RPTOR: variants seen among roughly 807,000 people sequenced by gnomAD.
The protein encoded by RPTOR is regulatory-associated protein of mTOR.
Under a neutral mutation model 169.9 loss-of-function variants are expected in RPTOR, and 21 were observed. The observed-to-expected ratio is 0.12, with a 90% CI of 0.09 to 0.18. The LOEUF (loss-of-function observed/expected upper bound fraction) is 0.18, where lower values mean the gene tolerates loss of function less well. Ranked by LOEUF, RPTOR falls within the 10% of genes least tolerant of loss-of-function variation. RPTOR has a pLI of 1.00. For synonymous variants in RPTOR, 732 were observed against 753.2 expected, an observed-to-expected ratio of 0.97 and a Z score of 0.46; for missense variants, 1,133 against 1,855.9, an observed-to-expected ratio of 0.61 and a Z score of 7.16.
At chr17:80,814,608 C>T (rs2067305189) in intron 7 of RPTOR, among the ~76,000 whole-genome samples, 1 of 152,172 alleles carries the variant, frequency 6.6e-6, no homozygotes, top group Admixed American at 6.5e-5. Context: ...GACAATCATT[C>T]AGTGGGGATT....
chr17:80,806,203 C>T (rs1317156349), intron 7 of RPTOR, among the ~76,000 whole-genome samples: 3 of 152,172 alleles, frequency 2.0e-5, no homozygotes, highest in Non-Finnish European at 2.9e-5. Flanking sequence ...TCACTCCAAA[C>T]CATTTCGGTA....
chr17:80,706,633 A>C (rs1408350260), intron 3 of RPTOR, among the ~76,000 whole-genome samples: 3 of 152,176 alleles, frequency 2.0e-5, no homozygotes, highest in African/African-American at 4.8e-5. Flanking sequence ...TCGCTGTCTT[A>C]ATGAGAGGCC....
At chr17:80,833,207 G>A (rs886543553) in intron 9 of RPTOR, among the ~76,000 whole-genome samples, 2 of 152,204 alleles carry the variant, frequency 1.3e-5, no homozygotes, top group African/African-American at 4.8e-5. Context: ...CGCCATCTCA[G>A]GGCTGTTTCC....
intron 1 of RPTOR, among the ~76,000 whole-genome samples, chr17:80,564,314 G>A (rs965040282): frequency 6.6e-6 from 1 of 151,888 alleles, no homozygotes; most frequent in African/African-American, 2.4e-5. Context: ...TGCCCGCCTC[G>A]GCCTCCCAAA....
chr17:80,808,635 C>T (rs764506009), intron 7 of RPTOR, among the ~76,000 whole-genome samples: 2 of 152,174 alleles, frequency 1.3e-5, no homozygotes, highest in Non-Finnish European at 2.9e-5. Context: ...CCACAGTCAG[C>T]GTATATCCCG....
At chr17:80,710,913 T>G (rs957703653) in intron 4 of RPTOR, among the ~76,000 whole-genome samples, 1 of 152,236 alleles carries the variant, frequency 6.6e-6, no homozygotes, top group South Asian at 2.1e-4. Context: ...TATACTTGAA[T>G]AGTTTTTGTG....
chr17:80,940,680 C>G, intron 25 of RPTOR, 79 bp downstream of exon 25: 1 of 1,202,928 alleles, frequency 8.3e-7, no homozygotes, highest in South Asian at 1.3e-5. Flanking sequence ...GAGCAGGCCC[C>G]CCGCGGCCCA....
intron 3 of RPTOR, among the ~76,000 whole-genome samples, chr17:80,687,807 C>T (rs546330031): frequency 1.5e-4 from 23 of 152,282 alleles, no homozygotes; most frequent in Non-Finnish European, 2.6e-4. Context: ...AGCTTTAAAA[C>T]GTGAAATGCA....
At chr17:80,700,500 AGATGAT>A (rs2066078661) in intron 3 of RPTOR, among the ~76,000 whole-genome samples, 1 of 70,658 alleles carries the variant, frequency 1.4e-5, no homozygotes. Context: ...GTGATGGTAG[AGATGAT>A]GGTGATGGTG....
In RPTOR at chr17:80,695,753, G is replaced by A. The variant is rs889196865; in HGVS notation, c.349-12088G>A. 2.0e-5 allele frequency among the ~76,000 whole-genome samples: 3 copies of A among 152,152 alleles called. No individual in the cohort carries two copies. The highest frequency in any genetic ancestry group is 4.8e-5 in the African/African-American group (2 of 41,412). On this transcript the variant is annotated intron_variant, in intron 3 of 33. Transcript: ENST00000306801. The surrounding 1 kb of genome is among the most constrained non-coding windows in gnomAD (Gnocchi z 4.9). ...CTCTTTTATTTCTGAAAAACAAGTCGCTTGAGGCCCATCTTTACAGAGTGA... is the reference window on the plus strand; with the variant it reads ...CTCTTTTATTTCTGAAAAACAAGTCACTTGAGGCCCATCTTTACAGAGTGA...
At chr17:80,896,363 C>CCCGACACCCCACACG in intron 20 of RPTOR, among the ~76,000 whole-genome samples, 1 of 151,596 alleles carries the variant, frequency 6.6e-6, no homozygotes. Flanking sequence ...CCCACACAGC[C>CCCGACACCCCACACG]GCCCCGACAC....
At chr17:80,834,702 A>G (rs1013583586) in intron 9 of RPTOR, among the ~76,000 whole-genome samples, 1 of 152,186 alleles carries the variant, frequency 6.6e-6, no homozygotes, top group African/African-American at 2.4e-5. Context: ...GTGCTGAGCG[A>G]TGTCTCCAGT....
intron 21 of RPTOR, among the ~76,000 whole-genome samples, chr17:80,915,935 C>A (rs1598398856): frequency 6.6e-6 from 1 of 152,294 alleles, no homozygotes; most frequent in East Asian, 1.9e-4. Flanking sequence ...CTGCTGAGAG[C>A]AGAACACTTA....
chr17:80,849,891 A>C (rs1268430519), intron 11 of RPTOR, among the ~76,000 whole-genome samples: 1 of 152,232 alleles, frequency 6.6e-6, no homozygotes, highest in Non-Finnish European at 1.5e-5. Flanking sequence ...TGGCTTCGGC[A>C]GCTCGCCCGG....
At chr17:80,640,468 G>A (rs1230059587) in intron 2 of RPTOR, among the ~76,000 whole-genome samples, 1 of 152,134 alleles carries the variant, frequency 6.6e-6, no homozygotes, top group Non-Finnish European at 1.5e-5. Context: ...CCCTATTCTT[G>A]GAAGGGAACC....
intron 1 of RPTOR, among the ~76,000 whole-genome samples, chr17:80,601,234 C>T: frequency 4.6e-5 from 1 of 21,608 alleles, no homozygotes; most frequent in East Asian, 7.4e-4. Context: ...CCATCACCGG[C>T]CTTTGCATCT....
chr17:80,883,507 G>C (rs1158661380), intron 15 of RPTOR, 23 bp downstream of exon 15: 1 of 1,611,934 alleles, frequency 6.2e-7, no homozygotes, highest in East Asian at 2.2e-5. Flanking sequence ...GCCACCCCCA[G>C]CCCCAGAGCT....
intron 25 of RPTOR, among the ~76,000 whole-genome samples, chr17:80,940,836 G>A (rs1394836671): frequency 6.6e-6 from 1 of 152,198 alleles, no homozygotes; most frequent in Non-Finnish European, 1.5e-5. Context: ...GGGAGGGGCC[G>A]GGTGGGAACC....
chr17:80,652,536 C>A (rs1269385577), intron 3 of RPTOR, among the ~76,000 whole-genome samples: 1 of 151,970 alleles, frequency 6.6e-6, no homozygotes, highest in Non-Finnish European at 1.5e-5. Flanking sequence ...CGCTTTATTG[C>A]TCAGGCTGGT....
Sources: gnomAD v4.1 joint callset for allele counts (sites outside exome capture counted in the v4.1 genomes callset) on GRCh38, gnomAD v4.1.1 for gene constraint, Gnocchi (gnomAD v3.1) non-coding constraint, MANE v1.5 for transcripts, NCBI Gene and HGNC (gene_info 2026-07-23, HGNC 2026-07-21) for gene names.